The following ANKRD36C variants were observed in gnomAD, a reference collection of about 807,000 sequenced individuals.
ANKRD36C encodes the protein ankyrin repeat domain-containing protein 36C.
A neutral mutation model predicts 276.4 loss-of-function variants in ANKRD36C; 61 were observed. The observed-to-expected ratio is 0.22, with a 90% CI of 0.18 to 0.27. The LOEUF (loss-of-function observed/expected upper bound fraction) is 0.27. ANKRD36C is among the 10% of genes least tolerant of loss of function. The pLI, the probability that ANKRD36C is intolerant of heterozygous loss-of-function variation, is 1.00. For synonymous variants in ANKRD36C, 483 were observed against 680.1 expected (o/e 0.71, Z 4.51); for missense variants, 1,447 against 2,032.3 (o/e 0.71, Z 5.54).
chr2:95,947,702 T>C (rs1678088674), intron 17 of ANKRD36C, among the ~76,000 whole-genome samples: 1 of 152,156 alleles, frequency 6.6e-6, no homozygotes, highest in Admixed American at 6.5e-5. Flanking sequence ...TTAAACAAAA[T>C]GCATATTCTT....
intron 44 of ANKRD36C, 96 bp from the exon 59 acceptor site, chr2:95,897,561 C>A: frequency 1.4e-6 from 2 of 1,472,336 alleles, no homozygotes; most frequent in Non-Finnish European, 1.8e-6. Context: ...CGTCCTCCTG[C>A]CTGTATTAGC....
At chr2:95,895,778 T>G (rs1676521949) in intron 44 of ANKRD36C, among the ~76,000 whole-genome samples, 188 bp from the exon 61 acceptor site, 1 of 151,054 alleles carries the variant, frequency 6.6e-6, no homozygotes, top group Non-Finnish European at 1.5e-5. Flanking sequence ...ACAGGCTCCA[T>G]GAAATATACC....
At chr2:95,885,846 G>C (rs1265878467) in intron 52 of ANKRD36C, among the ~76,000 whole-genome samples, 1 of 151,616 alleles carries the variant, frequency 6.6e-6, no homozygotes, top group Non-Finnish European at 1.5e-5. Context: ...TTTCAATGTA[G>C]GGAAGTCTAC....
At chr2:95,863,032 CA>C (rs1254677569) in intron 60 of ANKRD36C, among the ~76,000 whole-genome samples, 2 of 151,488 alleles carry the variant, frequency 1.3e-5, no homozygotes, top group Non-Finnish European at 2.9e-5. Flanking sequence ...CCAGAAGAAA[CA>C]ATAGAAAAAA....
intron 42 of ANKRD36C, among the ~76,000 whole-genome samples, chr2:95,907,699 C>G (rs1300210250): frequency 6.8e-6 from 1 of 146,434 alleles, no homozygotes; most frequent in African/African-American, 2.6e-5. Flanking sequence ...TCGTGTTATT[C>G]TCTAAAGAAG....
intron 6 of ANKRD36C, among the ~76,000 whole-genome samples, chr2:95,973,333 A>G (rs1678736379): frequency 1.3e-5 from 2 of 151,700 alleles, no homozygotes; most frequent in African/African-American, 4.9e-5. Context: ...AAGCGCTTGA[A>G]CCCAGGAGGC....
At chr2:95,870,618 C>T (rs1383672401) in intron 59 of ANKRD36C, among the ~76,000 whole-genome samples, 1 of 152,194 alleles carries the variant, frequency 6.6e-6, no homozygotes, top group Non-Finnish European at 1.5e-5. Flanking sequence ...CTCTCCTCTT[C>T]CAAAGGAATG....
At chr2:95,955,441 A>T (rs1678304414) in intron 13 of ANKRD36C, among the ~76,000 whole-genome samples, 1 of 152,142 alleles carries the variant, frequency 6.6e-6, no homozygotes, top group African/African-American at 2.4e-5. Context: ...CTGTGTTATC[A>T]TTTCCCTTAT....
At position 95,916,287 on chromosome 2, in the gene ANKRD36C, G is replaced by C. The variant is rs1043369637; in HGVS notation, c.2348-116C>G. 36 of 1,520,180 alleles carry C rather than the reference G, an allele frequency of 2.4e-5. No individual in the cohort carries two copies. The Admixed American group carries it at 5.5e-4, about 23-fold the overall frequency. The allele number at this position is 1,520,180 out of a possible 1,614,324, so 94.2% of individuals were successfully genotyped here. On this transcript the variant is annotated intron_variant, in intron 36 of 66. Coordinates refer to ENST00000456556, the Ensembl canonical transcript of ANKRD36C. ...TCCTGCCTGTATTAGTGGAGGCTTTGATGGCTTCTACTTTGTGTCTGGGGA... is the reference window on the plus strand; with the variant it reads ...TCCTGCCTGTATTAGTGGAGGCTTTCATGGCTTCTACTTTGTGTCTGGGGA...
chr2:95,876,299 G>GT, intron 59 of ANKRD36C, 140 bp downstream of exon 79: 3 of 725,534 alleles, frequency 4.1e-6, no homozygotes, highest in Non-Finnish European at 6.9e-6. Flanking sequence ...CTAGTTAAAT[G>GT]TTTTTAAAAT....
intron 22 of ANKRD36C, 78 bp from the exon 23 acceptor site, chr2:95,935,722 C>G: frequency 6.7e-7 from 1 of 1,498,958 alleles, no homozygotes; most frequent in South Asian, 1.3e-5. Flanking sequence ...TTAGGTTTCC[C>G]ATGACTACAA....
chr2:95,990,389 A>G (rs547986503), intron 1 of ANKRD36C, among the ~76,000 whole-genome samples: 1 of 152,318 alleles, frequency 6.6e-6, no homozygotes, highest in African/African-American at 2.4e-5. Flanking sequence ...CACCAACCTA[A>G]TAAATTCTTA....
chr2:95,903,012 A>C, intron 42 of ANKRD36C, 41 bp downstream of exon 53: 1 of 1,571,644 alleles, frequency 6.4e-7, no homozygotes, highest in Non-Finnish European at 8.6e-7. Flanking sequence ...TTCATAGACT[A>C]TACATTTACT....
chr2:95,860,666 AT>A (rs1344384253), intron 60 of ANKRD36C, among the ~76,000 whole-genome samples: 2 of 152,210 alleles, frequency 1.3e-5, no homozygotes, highest in African/African-American at 2.4e-5. Context: ...CAGAAAACAA[AT>A]ATAGCAGGCC....
chr2:95,985,868 G>A (rs1679016565), intron 3 of ANKRD36C, among the ~76,000 whole-genome samples: 2 of 152,096 alleles, frequency 1.3e-5, no homozygotes, highest in Middle Eastern at 3.4e-3. Context: ...TATAAGCTCC[G>A]TATCTCCCAC....
At chr2:95,976,229 C>T (rs1678806830) in intron 6 of ANKRD36C, among the ~76,000 whole-genome samples, 1 of 152,170 alleles carries the variant, frequency 6.6e-6, no homozygotes, top group Non-Finnish European at 1.5e-5. Flanking sequence ...GGCGATTCCT[C>T]AGGGATCTAG....
chr2:95,865,836 TC>T (rs1675673406), intron 60 of ANKRD36C, among the ~76,000 whole-genome samples: 1 of 152,066 alleles, frequency 6.6e-6, no homozygotes, highest in Non-Finnish European at 1.5e-5. Context: ...ATTCAGACAA[TC>T]CCCAACTTAA....
chr2:95,890,023 T>C (rs1456761156), intron 46 of ANKRD36C, 29 bp from the exon 67 acceptor site: 1 of 1,603,344 alleles, frequency 6.2e-7, no homozygotes, highest in Non-Finnish European at 8.5e-7. Flanking sequence ...ACATAATCAC[T>C]CATACGTAAA....
chr2:95,892,302 G>C (rs533611307), intron 44 of ANKRD36C, among the ~76,000 whole-genome samples: 1 of 151,456 alleles, frequency 6.6e-6, no homozygotes, highest in African/African-American at 2.4e-5. Flanking sequence ...AACTTGCCCA[G>C]TTAATGAGAA....
Sources: gnomAD v4.1 joint callset for allele counts (sites outside exome capture counted in the v4.1 genomes callset) on GRCh38, gnomAD v4.1.1 for gene constraint, MANE v1.5 for transcripts, NCBI Gene and HGNC (gene_info 2026-07-23, HGNC 2026-07-21) for gene names.